Variants in CHODL observed in about 807,000 individuals in gnomAD.
CHODL encodes the protein chondrolectin.
Under a neutral mutation model 34.5 loss-of-function variants are expected in CHODL, and 29 were observed. That is an observed-to-expected ratio of 0.84 (90% CI 0.63 to 1.15). The LOEUF (loss-of-function observed/expected upper bound fraction) is 1.15. Among genes scored for constraint, CHODL ranks in the 50% most tolerant of loss-of-function variants. CHODL has a pLI of 0.00. For missense variants in CHODL, 332 were observed against 332.5 expected (o/e 1.00, Z 0.01); for synonymous variants, 125 against 116.1 (o/e 1.08, Z -0.49).
At chr21:18,108,894 C>T (rs921943142) in intron 2 of CHODL, among the ~76,000 whole-genome samples, 2 of 150,728 alleles carry the variant, frequency 1.3e-5, no homozygotes, top group Non-Finnish European at 3.0e-5. Flanking sequence ...TTTTCTTTCT[C>T]GCACTATTTT....
At position 18,245,083 on chromosome 21, in the gene CHODL, G is replaced by T. The variant is rs538239174; in HGVS notation, c.-141G>T. On this transcript the variant is annotated 5_prime_UTR_variant, in exon 1 of 6. Coordinates refer to ENST00000299295, the MANE Select transcript of CHODL (RefSeq NM_024944.3). ...TCCCGGCCGAAGGCGATGCGCGCAG[G>T]GGGTCGGGCAGCTGGGCTCGGGCGG... 3.1e-6 allele frequency: 2 copies of T among 646,330 alleles called. No homozygotes were observed. The highest frequency in any genetic ancestry group is 4.8e-6 in the Non-Finnish European group (2 of 419,308). 40.0% of individuals were successfully genotyped at this position (646,330 alleles called of 1,614,324 possible).
intron 2 of CHODL, among the ~76,000 whole-genome samples, chr21:18,153,592 T>A (rs891008095): frequency 6.6e-6 from 1 of 152,090 alleles, no homozygotes; most frequent in Non-Finnish European, 1.5e-5. Flanking sequence ...GGTAAATCTA[T>A]AATAATTTCT....
Position 17,985,877 on chromosome 21 carries a change from T to C in CHODL, c.-144-41995T>C, listed in dbSNP as rs2063749704. Among the ~76,000 whole-genome samples the C allele has an allele frequency of 3.9e-5, 6 of 152,160 alleles. No homozygotes were observed. In the South Asian group the frequency reaches 1.2e-3, roughly 32 times the overall value. On this transcript the variant is annotated intron_variant, in intron 1 of 6. Transcript: ENST00000400127. ...GTTCTGGAGGCTGGGAGGTCCAAGA[T>C]CAAGGTACCAGCAGATTCACTGTCT... is the stretch of plus-strand genomic sequence containing the variant.
intron 1 of CHODL, among the ~76,000 whole-genome samples, chr21:17,968,100 C>T (rs1221101821): frequency 6.6e-6 from 1 of 152,208 alleles, no homozygotes; most frequent in African/African-American, 2.4e-5. Flanking sequence ...GGCCATCTGC[C>T]TTTTGCCTAG....
At position 18,262,814 on chromosome 21, in the gene CHODL, G is replaced by A; in HGVS notation, c.658G>A (p.Val220Ile). 1 of 1,600,728 alleles carries A rather than the reference G, an allele frequency of 6.2e-7. No homozygotes were observed. The highest frequency in any genetic ancestry group is 1.1e-5 in the South Asian group (1 of 90,634). Residue 220 changes from valine (V) to isoleucine (I), a missense_variant, in exon 5 of 6, where the codon GTT becomes ATT. Coordinates refer to ENST00000299295, the MANE Select transcript of CHODL (RefSeq NM_024944.3). ...EAGIIPNLIY[V>I]VIPTIPLLLL... ...AGGTATAATTCCCAATCTAATTTAT[G>A]TTGTTATACCAACAATACCCCTGCT...
intron 2 of CHODL, among the ~76,000 whole-genome samples, chr21:18,123,042 C>T (rs768336520): frequency 5.9e-5 from 9 of 152,162 alleles, no homozygotes; most frequent in Non-Finnish European, 8.8e-5. Flanking sequence ...AACATCAAAA[C>T]GTCTGACTGA....
intron 1 of CHODL, among the ~76,000 whole-genome samples, chr21:17,987,198 C>T (rs1305197905): frequency 6.6e-6 from 1 of 152,072 alleles, no homozygotes; most frequent in Non-Finnish European, 1.5e-5. Flanking sequence ...CAATCTCAGC[C>T]AACAGGAGGC....
At chr21:17,958,942 C>G (rs968862883) in intron 1 of CHODL, among the ~76,000 whole-genome samples, 2 of 152,082 alleles carry the variant, frequency 1.3e-5, no homozygotes, top group Non-Finnish European at 2.9e-5. Context: ...CTGGCTGACA[C>G]TACACTGTCC....
chr21:17,967,269 A>T (rs2146358524), intron 1 of CHODL, among the ~76,000 whole-genome samples: 1 of 152,254 alleles, frequency 6.6e-6, no homozygotes, highest in East Asian at 1.9e-4. Flanking sequence ...TATTTATGTC[A>T]AAAAATTGGA....
chr21:18,216,747 G>C (rs2073832982), intron 2 of CHODL, among the ~76,000 whole-genome samples: 1 of 152,120 alleles, frequency 6.6e-6, no homozygotes, highest in Non-Finnish European at 1.5e-5. Flanking sequence ...AAGGCAAAAA[G>C]GAAGCAAGCA....
chr21:18,193,697 G>GA (rs1015005875), intron 2 of CHODL, among the ~76,000 whole-genome samples: 5,642 of 74,156 alleles, frequency 0.076, 430 homozygotes, highest in African/African-American at 0.22. Context: ...CTCTGTCTCA[G>GA]AAAAAAAAAA....
intron 1 of CHODL, among the ~76,000 whole-genome samples, chr21:17,920,221 T>C (rs932500273): frequency 3.3e-5 from 5 of 152,180 alleles, no homozygotes; most frequent in Non-Finnish European, 7.3e-5. Context: ...TGGTACCAAT[T>C]TACTGTATTA....
At chr21:18,128,296 C>CAAAAAAAAAAAAAAAAAAAAAAAAAAA (rs71189585) in intron 2 of CHODL, among the ~76,000 whole-genome samples, 2 of 28,058 alleles carry the variant, frequency 7.1e-5, no homozygotes, top group Non-Finnish European at 1.2e-4. Context: ...GCAAGAGTCT[C>CAAAAAAAAAAAAAAAAAAAAAAAAAAA]AAAAAAAAAA....
rs561998672 is a variant in CHODL, at chr21:18,033,683, G to A, written c.-45+5712G>A. Among the ~76,000 whole-genome samples the A allele has an allele frequency of 2.6e-5, 4 of 151,956 alleles. No homozygotes were observed. The East Asian group carries it at 7.8e-4, about 30-fold the overall frequency. ...TTTCAGTTGTCAAAGTTATGTTATGGGTATAGTAGGGTATAGCCTTGGATC... is the reference window on the plus strand; with the variant it reads ...TTTCAGTTGTCAAAGTTATGTTATGAGTATAGTAGGGTATAGCCTTGGATC... On this transcript the variant is annotated intron_variant, in intron 2 of 6. Transcript: ENST00000400127.
intron 5 of CHODL, among the ~76,000 whole-genome samples, chr21:18,263,901 CT>C (rs34968795): frequency 0.028 from 3,967 of 141,132 alleles, 80 homozygotes; most frequent in Admixed American, 0.072. Flanking sequence ...CATTAATAAC[CT>C]TTTTTTTTTT....
intron 2 of CHODL, among the ~76,000 whole-genome samples, chr21:18,175,931 AACC>A (rs2073304520): frequency 1.3e-5 from 2 of 152,314 alleles, no homozygotes; most frequent in East Asian, 3.9e-4. Context: ...GGAGAAAACA[AACC>A]TTTTCTTTTG....
chr21:18,089,187 A>G (rs537568155), intron 2 of CHODL, among the ~76,000 whole-genome samples: 1 of 152,222 alleles, frequency 6.6e-6, no homozygotes, highest in Non-Finnish European at 1.5e-5. Flanking sequence ...CTAGTAAATA[A>G]TTTGATGCTT....
chr21:17,981,240 T>A (rs1393538983), intron 1 of CHODL, among the ~76,000 whole-genome samples: 1 of 152,216 alleles, frequency 6.6e-6, no homozygotes, highest in Non-Finnish European at 1.5e-5. Flanking sequence ...GTGTAGGTGC[T>A]GCTAGAAGGA....
At chr21:18,012,221 A>C (rs1436434522) in intron 1 of CHODL, among the ~76,000 whole-genome samples, 2 of 152,226 alleles carry the variant, frequency 1.3e-5, no homozygotes, top group African/African-American at 4.8e-5. Context: ...CAACAAAACT[A>C]AATGACATGG....
Sources: allele counts gnomAD v4.1 joint callset (sites outside exome capture counted in the v4.1 genomes callset), GRCh38; gene constraint gnomAD v4.1.1; transcripts MANE v1.5; gene names NCBI Gene and HGNC (gene_info 2026-07-23, HGNC 2026-07-21).